FDX2: variants seen among roughly 807,000 people sequenced by gnomAD.
FDX2 encodes the protein ferredoxin 2, also known as ferredoxin-2, mitochondrial.
A neutral mutation model predicts 18.5 loss-of-function variants in FDX2; 13 were observed. The ratio of observed to expected loss-of-function variants is 0.70; its 90% CI spans 0.46 to 1.12. FDX2 has a LOEUF of 1.12. Among genes scored for constraint, FDX2 ranks in the 50% most tolerant of loss-of-function variants. The pLI is 0.00. For missense variants in FDX2, 238 were observed against 250.4 expected (o/e 0.95, Z 0.34); for synonymous variants, 132 against 106.2 (o/e 1.24, Z -1.49).
rs371750001 is a variant in FDX2 at position 10,310,868 on chromosome 19, G to A, written c.389C>T (p.Pro130Leu). 2 of 1,613,910 alleles carry A rather than the reference G, an allele frequency of 1.2e-6. No individual in the cohort carries two copies. Among genetic ancestry groups the A allele is most frequent in the Non-Finnish European group, 1.7e-6 (2 of 1,179,954 alleles). The change falls in exon 4 of 5, where the codon CCT becomes CTT. Residue 130 changes from proline to leucine, a missense_variant. Physicochemically the swap from Pro to Leu is moderately conservative, Grantham distance 98. Transcript: ENST00000393708. ...ACCCACTCACCTCTCCTCGGGAGGA[G>A]GCAGGAGATCCAGGTGGTCTTCACT...
At chr19:10,312,512 T>C (rs2040334585) in intron 3 of FDX2, among the ~76,000 whole-genome samples, 1 of 151,948 alleles carries the variant, frequency 6.6e-6, no homozygotes, top group Admixed American at 6.6e-5. Flanking sequence ...CCCATCCCCC[T>C]CATTCATTCC....
At chr19:10,313,060 C>T (rs1241735143) in intron 3 of FDX2, among the ~76,000 whole-genome samples, 1 of 152,172 alleles carries the variant, frequency 6.6e-6, no homozygotes, top group African/African-American at 2.4e-5. Context: ...ATCACTTGAA[C>T]CCTGGAGGTA....
Position 10,315,684 on chromosome 19 carries a change from G to C in FDX2, c.209+21C>G, listed in dbSNP as rs781535806. 22 of 1,546,002 alleles carry C rather than the reference G, an allele frequency of 1.4e-5. No homozygotes were observed. The East Asian group carries it at 4.4e-4, about 31-fold the overall frequency. On this transcript the variant is annotated intron_variant, in intron 2 of 4. Coordinates refer to ENST00000393708, the MANE Select transcript of FDX2 (RefSeq NM_001031734.4). ...GAATTCCGTGGGATGAGGAATGGGG[G>C]ACTTGGCCCCCTGCACTCACACGTC...
Position 10,315,378 on chromosome 19 carries a change from G to A in FDX2, c.316+8C>T. The A allele has an allele frequency of 1.3e-6, 2 of 1,586,884 alleles. No homozygotes were observed. The highest frequency in any genetic ancestry group is 1.7e-6 in the Non-Finnish European group (2 of 1,162,794). On this transcript the variant is annotated splice_region_variant and intron_variant, in intron 3 of 4. Transcript: ENST00000393708. The stretch of plus-strand genomic sequence containing the variant: ...GGACCTCCTTAATTCCCTCTGCCCG[G>A]TTCCTACCTTCCAGGTCCACCCCGT...
At chr19:10,315,105 C>T (rs987758340) in intron 3 of FDX2, among the ~76,000 whole-genome samples, 23 of 152,070 alleles carry the variant, frequency 1.5e-4, no homozygotes, top group African/African-American at 5.5e-4. Flanking sequence ...AACTCCATCT[C>T]AAAACAACAA....
At chr19:10,315,041 C>T (rs967807940) in intron 3 of FDX2, among the ~76,000 whole-genome samples, 1 of 152,110 alleles carries the variant, frequency 6.6e-6, no homozygotes, top group African/African-American at 2.4e-5. Context: ...GTGGAGGTTG[C>T]AGTGAGCTGA....
chr19:10,315,338 T>TTTTG, intron 3 of FDX2, 48 bp downstream of exon 3: 2 of 1,032,660 alleles, frequency 1.9e-6, no homozygotes, highest in Admixed American at 2.8e-5. Flanking sequence ...TTTTTTTTTT[T>TTTTG]GGACAAATGT....
chr19:10,314,750 G>A (rs946401366), intron 3 of FDX2, among the ~76,000 whole-genome samples: 13 of 152,288 alleles, frequency 8.5e-5, no homozygotes, highest in African/African-American at 2.4e-4. Context: ...CAGACAGAGG[G>A]AACAGCAAAT....
At chr19:10,311,018 T>G (rs534015198) in intron 3 of FDX2, 78 bp from the exon 4 acceptor site, 109 of 1,042,772 alleles carry the variant, frequency 1.0e-4, no homozygotes, top group Non-Finnish European at 1.4e-4. Flanking sequence ...CGTAGAGGAG[T>G]AGACCTCTCT....
At chr19:10,313,366 C>T (rs1345033021) in intron 3 of FDX2, among the ~76,000 whole-genome samples, 1 of 151,944 alleles carries the variant, frequency 6.6e-6, no homozygotes, top group Non-Finnish European at 1.5e-5. Flanking sequence ...ATGTATTTAC[C>T]TGTGGGATTA....
At chr19:10,310,973 G>T in intron 3 of FDX2, 33 bp from the exon 4 acceptor site, 1 of 1,531,346 alleles carries the variant, frequency 6.5e-7, no homozygotes, top group Non-Finnish European at 9.0e-7. Flanking sequence ...GCGCAGGTGA[G>T]TGGCAGAGTC....
chr19:10,310,573 C>T lies in FDX2; in HGVS notation c.474G>A (p.Leu158=). The change falls in exon 5 of 5, where the codon CTG becomes CTA. Residue 158 remains leucine (L), a synonymous_variant. Coordinates refer to ENST00000393708, the MANE Select transcript of FDX2 (RefSeq NM_001031734.4). Reference sequence around the variant, plus strand: ...ATTCCGCTCCTTCCAGCTCCGGTGTCAGCACAATCTGGCAGCCCAGCCGCG... The same window carrying T: ...ATTCCGCTCCTTCCAGCTCCGGTGTTAGCACAATCTGGCAGCCCAGCCGCG... 2 of 1,614,062 alleles carry T rather than the reference C, an allele frequency of 1.2e-6. No individual in the cohort carries two copies. The highest frequency in any genetic ancestry group is 1.1e-5 in the South Asian group (1 of 91,066).
chr19:10,313,673 T>TATATATA (rs2040348365), intron 3 of FDX2, among the ~76,000 whole-genome samples: 9 of 17,798 alleles, frequency 5.1e-4, no homozygotes, highest in Admixed American at 1.2e-3. Context: ...ATATATATAT[T>TATATATA]TTTTTTTTTT....
At chr19:10,311,522 C>G (rs1599291287) in intron 3 of FDX2, among the ~76,000 whole-genome samples, 1 of 151,718 alleles carries the variant, frequency 6.6e-6, no homozygotes, top group East Asian at 1.9e-4. Context: ...CTCAGCCTCC[C>G]AAGTAGCTGG....
At chr19:10,310,705 A>C (rs1308646295) in intron 4 of FDX2, 63 bp from the exon 5 acceptor site, 2 of 316,488 alleles carry the variant, frequency 6.3e-6, no homozygotes, top group Non-Finnish European at 9.5e-6. Context: ...GGGGGGCCAG[A>C]GGTGGGGGAG....
chr19:10,310,741 GTAGTGGT>G, intron 4 of FDX2, 99 bp from the exon 5 acceptor site: 1 of 1,400,242 alleles, frequency 7.1e-7, no homozygotes, highest in Non-Finnish European at 9.9e-7. Context: ...AGCGCAGGGG[GTAGTGGT>G]GGGGGAGGCA....
intron 3 of FDX2, among the ~76,000 whole-genome samples, chr19:10,312,705 GT>G (rs1425675104): frequency 6.6e-6 from 1 of 151,446 alleles, no homozygotes; most frequent in Non-Finnish European, 1.5e-5. Context: ...GGCTAATTTT[GT>G]TTTTGTATTT....
At position 10,314,789 on chromosome 19, in the gene FDX2, G is replaced by A. The variant is rs565390841; in HGVS notation, c.316+597C>T. On this transcript the variant is annotated intron_variant, in intron 3 of 4. Transcript: ENST00000393708. ...AAGGCCCCGAAGCAGGAATGAGCTT[G>A]GTTGTTTGAGGAACCACAAGAAAGC... 4.6e-5 allele frequency among the ~76,000 whole-genome samples: 7 copies of A among 152,272 alleles called. No individual in the cohort carries two copies. In the East Asian group the frequency reaches 7.7e-4, roughly 17 times the overall value.
chr19:10,312,172 ATTTTT>A (rs60538704), intron 3 of FDX2, among the ~76,000 whole-genome samples: 3 of 82,522 alleles, frequency 3.6e-5, no homozygotes, highest in East Asian at 3.4e-4. Context: ...ACCTGGCCAT[ATTTTT>A]TTTTTTTTTT....
Sources: allele counts gnomAD v4.1 joint callset (sites outside exome capture counted in the v4.1 genomes callset), GRCh38; gene constraint gnomAD v4.1.1; transcripts MANE v1.5; gene names NCBI Gene and HGNC (gene_info 2026-07-23, HGNC 2026-07-21).